Variants in COL23A1 observed in about 807,000 individuals in gnomAD.
COL23A1 encodes collagen alpha-1(XXIII) chain.
Under a neutral mutation model 99.3 loss-of-function variants are expected in COL23A1, and 97 were observed. The observed-to-expected ratio is 0.98, with a 90% confidence interval of 0.83 to 1.16. The LOEUF (loss-of-function observed/expected upper bound fraction) is 1.16, where lower values mean the gene tolerates loss of function less well. COL23A1 is among the 50% of genes most tolerant of loss of function. COL23A1 has a pLI of 0.00. For missense variants in COL23A1, 762 were observed against 757.4 expected, an observed-to-expected ratio of 1.01 and a Z score of -0.07; for synonymous variants, 320 against 308.2, an observed-to-expected ratio of 1.04 and a Z score of -0.40.
Position 178,292,222 on chromosome 5 carries a change from T to G in COL23A1, c.407-1853A>C, listed in dbSNP as rs977073143. 3.2e-5 allele frequency among the ~76,000 whole-genome samples: 3 copies of G among 93,076 alleles called. No individual in the cohort carries two copies. In the South Asian group the frequency reaches 8.1e-4, roughly 25 times the overall value. 61.1% of individuals were successfully genotyped at this position (93,076 alleles called of 152,430 possible). On this transcript the variant is annotated intron_variant, in intron 3 of 28. Transcript: ENST00000390654. ...GTTCCTGCACCAGCACTTGCGCCTG[T>G]GCCCGCACCTGCCCCTGCACCTGCC...
intron 3 of COL23A1, among the ~76,000 whole-genome samples, chr5:178,296,730 G>A (rs2127593003): frequency 6.6e-6 from 1 of 152,166 alleles, no homozygotes; most frequent in South Asian, 2.1e-4. Context: ...TCTCCAGAGG[G>A]GTGGCAGAGT....
At chr5:178,494,782 T>C (rs1030606360) in intron 2 of COL23A1, among the ~76,000 whole-genome samples, 1 of 152,158 alleles carries the variant, frequency 6.6e-6, no homozygotes, top group Non-Finnish European at 1.5e-5. Context: ...TCATCCAGTA[T>C]TTAGCAGCCC....
intron 2 of COL23A1, among the ~76,000 whole-genome samples, chr5:178,548,348 T>C (rs1228622273): frequency 6.6e-6 from 1 of 151,826 alleles, no homozygotes; most frequent in Non-Finnish European, 1.5e-5. Flanking sequence ...AATTAACAGA[T>C]CTCAACAAAC....
At chr5:178,402,561 T>A (rs907757600) in intron 2 of COL23A1, among the ~76,000 whole-genome samples, 1 of 152,120 alleles carries the variant, frequency 6.6e-6, no homozygotes, top group African/African-American at 2.4e-5. Flanking sequence ...AAAGAATTAT[T>A]TAAATGTTTC....
rs555640758 is a variant in COL23A1 at position 178,271,093 on chromosome 5, C to T, written c.442-730G>A. Among the ~76,000 whole-genome samples the T allele has an allele frequency of 5.1e-4, 77 of 152,282 alleles. 1 individual carries two copies. Among genetic ancestry groups the T allele is most frequent in the South Asian group, 3.1e-3 (15 of 4,824 alleles). ...TGGGGGCACTCAGGGACCTCCAGGCCCCCTGCAGAGTCTGCAGAGGGCCAG... is the reference window on the plus strand; with the variant it reads ...TGGGGGCACTCAGGGACCTCCAGGCTCCCTGCAGAGTCTGCAGAGGGCCAG... On this transcript the variant is annotated intron_variant, in intron 5 of 28. Transcript: ENST00000390654.
chr5:178,490,901 T>C (rs1193340555), intron 2 of COL23A1, among the ~76,000 whole-genome samples: 1 of 152,246 alleles, frequency 6.6e-6, no homozygotes, highest in Non-Finnish European at 1.5e-5. Context: ...ATGTAAATTA[T>C]ACCTCGAGGA....
At chr5:178,275,810 C>A (rs1464586365) in intron 5 of COL23A1, among the ~76,000 whole-genome samples, 3 of 152,226 alleles carry the variant, frequency 2.0e-5, no homozygotes, top group Admixed American at 6.5e-5. Flanking sequence ...TCTCCACATC[C>A]TGCTGATTTC....
At chr5:178,242,016 G>A in intron 27 of COL23A1, 26 bp downstream of exon 27, 1 of 1,537,790 alleles carries the variant, frequency 6.5e-7, no homozygotes, top group Non-Finnish European at 8.8e-7. Context: ...AAAAGACCTG[G>A]GGCAGGGCCC....
chr5:178,424,135 C>T (rs192363638), intron 2 of COL23A1, among the ~76,000 whole-genome samples: 2 of 152,296 alleles, frequency 1.3e-5, no homozygotes, highest in Non-Finnish European at 2.9e-5. Flanking sequence ...TCCAAGGCAG[C>T]GGACAGGAAG....
chr5:178,473,461 A>ATT (rs58255875), intron 2 of COL23A1, among the ~76,000 whole-genome samples: 7 of 95,056 alleles, frequency 7.4e-5, no homozygotes, highest in African/African-American at 2.8e-4. Context: ...CATCCGGCTA[A>ATT]TTTTTTTTTT....
rs1581695558 is a variant in COL23A1, at chr5:178,589,826, T to A, written c.294+78A>T. ...ACCCTCCTCCCAGAGACCTGCACGCTGCCCCCGGCTCCCAGCGTACCGCCA... is the reference window on the plus strand; with the variant it reads ...ACCCTCCTCCCAGAGACCTGCACGCAGCCCCCGGCTCCCAGCGTACCGCCA... On this transcript the variant is annotated intron_variant, in intron 1 of 28. Transcript: ENST00000390654. This position sits in a 1 kb window ranked among gnomAD's most constrained non-coding sequence, Gnocchi z 5.4. 2.5e-6 allele frequency: 3 copies of A among 1,204,132 alleles called. No individual in the cohort carries two copies. The East Asian group carries it at 1.0e-4, about 41-fold the overall frequency. The allele number at this position is 1,204,132 out of a possible 1,614,324, so 74.6% of individuals were successfully genotyped here.
intron 2 of COL23A1, among the ~76,000 whole-genome samples, chr5:178,418,354 T>C (rs996710759): frequency 1.3e-5 from 2 of 152,222 alleles, no homozygotes; most frequent in African/African-American, 4.8e-5. Flanking sequence ...CTTGCCCTAT[T>C]AGACTTAAGG....
chr5:178,400,557 A>C (rs1167731972), intron 2 of COL23A1, among the ~76,000 whole-genome samples: 1 of 152,170 alleles, frequency 6.6e-6, no homozygotes, highest in East Asian at 1.9e-4. Flanking sequence ...ATAACATAAA[A>C]GTTACCATTT....
At chr5:178,328,700 G>A (rs1252634055) in intron 2 of COL23A1, among the ~76,000 whole-genome samples, 4 of 151,790 alleles carry the variant, frequency 2.6e-5, no homozygotes, top group East Asian at 1.9e-4. Flanking sequence ...CTAATTACTC[G>A]AAAAAAAAGA....
chr5:178,536,316 G>A (rs1760958694), intron 2 of COL23A1, among the ~76,000 whole-genome samples: 1 of 152,258 alleles, frequency 6.6e-6, no homozygotes. Flanking sequence ...CCAGGGGATG[G>A]ACCGGCGTGG....
At chr5:178,567,682 G>C (rs1444714558) in intron 1 of COL23A1, among the ~76,000 whole-genome samples, 1 of 152,200 alleles carries the variant, frequency 6.6e-6, no homozygotes, top group East Asian at 1.9e-4. Flanking sequence ...AGTGAGCAGA[G>C]ATTGTGCCAC....
intron 1 of COL23A1, among the ~76,000 whole-genome samples, chr5:178,583,478 T>C (rs1462384297): frequency 1.3e-5 from 2 of 152,250 alleles, no homozygotes; most frequent in Non-Finnish European, 2.9e-5. Context: ...GGGTTGATCG[T>C]GCACACACAT....
intron 27 of COL23A1, 37 bp from the exon 28 acceptor site, chr5:178,239,216 C>A: frequency 1.2e-6 from 2 of 1,612,392 alleles, no homozygotes; most frequent in Non-Finnish European, 1.7e-6. Context: ...GGGGATGGGG[C>A]CTGGGGAGCT....
chr5:178,249,683 A>C (rs959421943), intron 18 of COL23A1, among the ~76,000 whole-genome samples: 1 of 118,328 alleles, frequency 8.5e-6, no homozygotes, highest in Non-Finnish European at 1.6e-5. Context: ...TGTATAGGAT[A>C]ACACACACAC....
Sources: allele counts gnomAD v4.1 joint callset (sites outside exome capture counted in the v4.1 genomes callset), GRCh38; gene constraint gnomAD v4.1.1; non-coding constraint Gnocchi (gnomAD v3.1); transcripts MANE v1.5; gene names NCBI Gene and HGNC (gene_info 2026-07-23, HGNC 2026-07-21).